C2CD5: variants seen among roughly 807,000 people sequenced by gnomAD.
C2CD5 encodes the protein C2 calcium dependent domain containing 5.
In C2CD5, 109 loss-of-function variants were observed where a neutral mutation model predicts 130.3. That is an observed-to-expected ratio of 0.84 (90% CI 0.72 to 0.98). The LOEUF (loss-of-function observed/expected upper bound fraction) is 0.98, where lower values mean the gene tolerates loss of function less well. Ranked by LOEUF, C2CD5 falls within the 50% of genes least tolerant of loss-of-function variation. The pLI is 0.00. For synonymous variants in C2CD5, 454 were observed against 429.2 expected, an observed-to-expected ratio of 1.06 and a Z score of -0.71; for missense variants, 996 against 1,261.8, an observed-to-expected ratio of 0.79 and a Z score of 3.19.
intron 3 of C2CD5, among the ~76,000 whole-genome samples, chr12:22,530,505 T>C (rs1457197216): frequency 2.0e-5 from 3 of 149,578 alleles, no homozygotes; most frequent in African/African-American, 7.7e-5. Context: ...TCACCCAGGC[T>C]GGAGTGCAAT....
intron 3 of C2CD5, among the ~76,000 whole-genome samples, chr12:22,534,123 G>A (rs1951592596): frequency 6.6e-6 from 1 of 152,186 alleles, no homozygotes; most frequent in African/African-American, 2.4e-5. Context: ...AGCAGGCGGA[G>A]GTTGCAGTGA....
intron 3 of C2CD5, among the ~76,000 whole-genome samples, chr12:22,529,063 T>C (rs1950979303): frequency 6.6e-6 from 1 of 152,118 alleles, no homozygotes; most frequent in South Asian, 2.1e-4. Flanking sequence ...TGCCTTAAAA[T>C]ATCCCCACAA....
chr12:22,465,063 C>T (rs1285540561), intron 22 of C2CD5, among the ~76,000 whole-genome samples: 1 of 152,120 alleles, frequency 6.6e-6, no homozygotes, highest in Admixed American at 6.6e-5. Context: ...CAATAAAAAA[C>T]TTCTGACGTA....
intron 22 of C2CD5, among the ~76,000 whole-genome samples, chr12:22,465,921 T>TAAC (rs1941994241): frequency 6.6e-6 from 1 of 151,912 alleles, no homozygotes; most frequent in Admixed American, 6.6e-5. Flanking sequence ...ACCAGCAAGG[T>TAAC]AACACCAAAT....
In C2CD5 at chr12:22,472,346, G is replaced by C. The variant is rs752971808; in HGVS notation, c.2109C>G (p.Gly703=). Residue 703 remains glycine (G), a splice_region_variant and synonymous_variant, in exon 18 of 27, where the codon GGC becomes GGG. Coordinates refer to ENST00000446597, the MANE Select transcript of C2CD5 (RefSeq NM_001286176.2). ...SLLTDVPPPS[G]FYSCNTEIMP... ...TAATTTCTGTATTACAACTATAAAA[G>C]CCTGTCAAAATAAATTGTAATCAAA... 5.7e-6 allele frequency: 8 copies of C among 1,399,960 alleles called. No individual in the cohort carries two copies. Among genetic ancestry groups the C allele is most frequent in the African/African-American group, 1.4e-5 (1 of 69,040 alleles). The allele number at this position is 1,399,960 out of a possible 1,614,324, so 86.7% of individuals were successfully genotyped here. A position where few individuals can be genotyped will look rare whatever the true frequency, so the allele number is the denominator to read the frequency against.
intron 9 of C2CD5, among the ~76,000 whole-genome samples, chr12:22,508,647 A>C (rs1948845229): frequency 6.6e-6 from 1 of 152,194 alleles, no homozygotes; most frequent in South Asian, 2.1e-4. Flanking sequence ...AGTTGGGAAA[A>C]CAGTTCGGTA....
intron 9 of C2CD5, chr12:22,512,660 A>C: frequency 6.7e-7 from 1 of 1,498,524 alleles, no homozygotes; most frequent in Non-Finnish European, 8.9e-7. Context: ...CCTTCTACAG[A>C]ACCTATGAGG....
In C2CD5 at chr12:22,449,484, C is replaced by T. The variant is rs1458937251; in HGVS notation, c.*276G>A. ...TAAATTATGATTTTATTAAAATCAA[C>T]ATAAATTACAAAGGTTCCATCTTTG... is the stretch of plus-strand genomic sequence containing the variant. On this transcript the variant is annotated 3_prime_UTR_variant, in exon 27 of 27. Transcript: ENST00000446597. The T allele has an allele frequency of 4.0e-6, 1 of 252,784 alleles. No homozygotes were observed. The highest frequency in any genetic ancestry group is 7.5e-6 in the Non-Finnish European group (1 of 132,730). The allele number at this position is 252,784 out of a possible 1,614,324, so 15.7% of individuals were successfully genotyped here. A position where few individuals can be genotyped will look rare whatever the true frequency, so the allele number is the denominator to read the frequency against.
At chr12:22,485,518 T>C (rs1229761965) in intron 12 of C2CD5, among the ~76,000 whole-genome samples, 2 of 152,104 alleles carry the variant, frequency 1.3e-5, no homozygotes. Context: ...TTTAATTTAA[T>C]GTAAAAAAGT....
At chr12:22,502,013 A>G (rs1051330720) in intron 10 of C2CD5, among the ~76,000 whole-genome samples, 2 of 152,092 alleles carry the variant, frequency 1.3e-5, no homozygotes, top group Non-Finnish European at 2.9e-5. Context: ...AATATAATAT[A>G]AACAATTAGA....
At chr12:22,487,884 G>T (rs1284096710) in intron 12 of C2CD5, among the ~76,000 whole-genome samples, 1 of 152,120 alleles carries the variant, frequency 6.6e-6, no homozygotes, top group Non-Finnish European at 1.5e-5. Flanking sequence ...AAAAAAGGAT[G>T]AGTTCATGTC....
intron 3 of C2CD5, among the ~76,000 whole-genome samples, chr12:22,529,231 C>T (rs1417782072): frequency 6.6e-6 from 1 of 151,944 alleles, no homozygotes; most frequent in Non-Finnish European, 1.5e-5. Flanking sequence ...ATTTTGAATC[C>T]CAATCCATTC....
intron 25 of C2CD5, among the ~76,000 whole-genome samples, chr12:22,455,560 T>A (rs1046629750): frequency 2.6e-5 from 4 of 152,182 alleles, no homozygotes; most frequent in African/African-American, 9.7e-5. Context: ...TCGCACCAAA[T>A]CTTTGTCAAA....
intron 15 of C2CD5, 94 bp from the exon 16 acceptor site, chr12:22,474,985 A>G (rs1430556398): frequency 2.7e-6 from 2 of 741,656 alleles, no homozygotes; most frequent in Admixed American, 3.5e-5. Flanking sequence ...CCTGTGGAGA[A>G]AAAGCCTGTA....
Position 22,527,793 on chromosome 12 carries a change from T to C in C2CD5, c.277A>G (p.Ile93Val). 6.2e-7 allele frequency: 1 copy of C among 1,610,122 alleles called. No homozygotes were observed. The highest frequency in any genetic ancestry group is 8.5e-7 in the Non-Finnish European group (1 of 1,176,718). The change falls in exon 4 of 27, where the codon ATT (isoleucine) becomes GTT (valine). Residue 93 changes from isoleucine (I) to valine (V), a missense_variant. Coordinates refer to ENST00000446597, the MANE Select transcript of C2CD5 (RefSeq NM_001286176.2). Reference protein sequence around the residue: ...NDAIGKVYIDIDPLLYSEAAT... With the variant: ...NDAIGKVYIDVDPLLYSEAAT... ...GCTTCACTATACAGTAAAGGATCAA[T>C]ATCAATGTACACTTTACCAATGGCA...
In C2CD5 at chr12:22,524,628, CT is replaced by C; in HGVS notation, c.446-2del. 1.9e-6 allele frequency: 3 copies of C among 1,602,624 alleles called. No individual in the cohort carries two copies. The highest frequency in any genetic ancestry group is 2.6e-6 in the Non-Finnish European group (3 of 1,174,706). On this transcript the variant is annotated splice_acceptor_variant, in intron 5 of 26. Transcript: ENST00000446597. LOFTEE classifies it high-confidence loss of function. Reference sequence around the variant, plus strand: ...CTATAGCATTTTGGAATAGACGTTGCTGTTAAAACAAATTATTATGCTTCTG... The same window carrying C: ...CTATAGCATTTTGGAATAGACGTTGCGTTAAAACAAATTATTATGCTTCTG...
At chr12:22,464,999 A>C (rs1403777474) in intron 22 of C2CD5, among the ~76,000 whole-genome samples, 1 of 152,198 alleles carries the variant, frequency 6.6e-6, no homozygotes, top group African/African-American at 2.4e-5. Flanking sequence ...CTGTCTCTAA[A>C]AAGAAAAAAA....
At chr12:22,535,144 T>C (rs1951702364) in intron 3 of C2CD5, 114 bp downstream of exon 3, 1 of 676,768 alleles carries the variant, frequency 1.5e-6, no homozygotes, top group Non-Finnish European at 2.6e-6. Context: ...AAAGAAAATA[T>C]TTTTGTGATG....
Position 22,459,523 on chromosome 12 carries a change from A to C in C2CD5, c.2553T>G (p.Ser851Arg), listed in dbSNP as rs1018688965. The part of the protein sequence containing the change: ...PPAKEHLESA[S>R]SNSGIPAAQR... ...GTGCAGCTGGTATACCTGAGTTAGA[A>C]CTTGCACTCTCCAGGTGTTCTAATA... The change falls in exon 23 of 27, where the codon AGT (serine) becomes AGG (arginine). Residue 851 changes from serine to arginine, a missense_variant. By Grantham distance (110) the Ser-to-Arg change is moderately radical (BLOSUM62 -1). This residue lies in a region of C2CD5 where 590 missense variants were observed against 631.4 expected (regional missense o/e 0.93). Transcript: ENST00000446597. 2 of 1,532,242 alleles carry C rather than the reference A, an allele frequency of 1.3e-6. No individual in the cohort carries two copies. Among genetic ancestry groups the C allele is most frequent in the Non-Finnish European group, 1.7e-6 (2 of 1,143,604 alleles). The allele number at this position is 1,532,242 out of a possible 1,614,324, so 94.9% of individuals were successfully genotyped here.
Sources: gnomAD v4.1 joint callset for allele counts (sites outside exome capture counted in the v4.1 genomes callset) on GRCh38, gnomAD v4.1.1 for gene constraint, gnomAD v4.1.1 regional missense constraint, MANE v1.5 for transcripts, NCBI Gene and HGNC (gene_info 2026-07-23, HGNC 2026-07-21) for gene names.